TLN2: variants seen among roughly 807,000 people sequenced by gnomAD.
TLN2 encodes the protein talin-2.
In TLN2, 118 loss-of-function variants were observed where a neutral mutation model predicts 294.7. The ratio of observed to expected loss-of-function variants is 0.40; its 90% CI spans 0.34 to 0.47. TLN2 has a LOEUF of 0.47. Ranked by LOEUF, TLN2 falls within the 20% of genes least tolerant of loss-of-function variation. TLN2 has a pLI of 0.84. For synonymous variants in TLN2, 1,431 were observed against 1,304.5 expected (o/e 1.10, Z -2.09); for missense variants, 3,083 against 3,282.2 (o/e 0.94, Z 1.48).
intron 2 of TLN2, among the ~76,000 whole-genome samples, chr15:62,597,223 C>T (rs758918980): frequency 1.6e-4 from 24 of 152,174 alleles, no homozygotes; most frequent in Non-Finnish European, 3.5e-4. Flanking sequence ...GCAGCTGTAC[C>T]TTTAATTTTA....
At chr15:62,442,460 C>T (rs1399160227) in intron 1 of TLN2, among the ~76,000 whole-genome samples, 1 of 139,366 alleles carries the variant, frequency 7.2e-6, no homozygotes, top group African/African-American at 2.7e-5. Context: ...CGCAGTTGCA[C>T]TCCAGCTGGG....
chr15:62,473,013 G>T (rs919664986), intron 1 of TLN2, among the ~76,000 whole-genome samples: 9 of 152,168 alleles, frequency 5.9e-5, no homozygotes, highest in Non-Finnish European at 1.3e-4. Context: ...GTCACAGAAT[G>T]TGCCACAGGA....
rs371300692 is a variant in TLN2, at chr15:62,502,967, C to T, written c.-237-86720C>T. Among the ~76,000 whole-genome samples, 11 of 152,146 alleles carry T rather than the reference C, an allele frequency of 7.2e-5. No individual in the cohort carries two copies. In the East Asian group the frequency reaches 2.1e-3, roughly 29 times the overall value. On this transcript the variant is annotated intron_variant, in intron 1 of 58. Transcript: ENST00000636159. ...GCTTTGTGAAGCCTGCAAGAGTTGA[C>T]TTCACAGTTCCGTTTGCTGCGTTTT...
At chr15:62,457,867 A>G (rs2036570058) in intron 1 of TLN2, among the ~76,000 whole-genome samples, 1 of 152,174 alleles carries the variant, frequency 6.6e-6, no homozygotes, top group Non-Finnish European at 1.5e-5. Context: ...TCCTGCTGTG[A>G]GCACCTAGAA....
chr15:62,707,594 T>A (rs959091282), intron 20 of TLN2, among the ~76,000 whole-genome samples: 5 of 152,222 alleles, frequency 3.3e-5, no homozygotes, highest in Non-Finnish European at 5.9e-5. Flanking sequence ...GGTTCAGAAA[T>A]AATCCACAGA....
intron 2 of TLN2, among the ~76,000 whole-genome samples, chr15:62,606,264 GTA>G (rs2047435467): frequency 1.2e-5 from 1 of 81,484 alleles, no homozygotes; most frequent in African/African-American, 5.2e-5. Flanking sequence ...TTTTTTTTTT[GTA>G]TTTTTAGTAG....
At chr15:62,655,801 G>T in intron 7 of TLN2, 143 bp from the exon 8 acceptor site, 7 of 1,012,058 alleles carry the variant, frequency 6.9e-6, no homozygotes, top group Non-Finnish European at 9.8e-6. Flanking sequence ...AAAAACCATA[G>T]TTCTAAAATA....
chr15:62,697,589 C>T (rs370065509), intron 14 of TLN2, 99 bp from the exon 15 acceptor site: 6 of 1,370,898 alleles, frequency 4.4e-6, no homozygotes, highest in Non-Finnish European at 2.0e-6. Flanking sequence ...TTGGCCTTCA[C>T]AGCATAAAGC....
chr15:62,741,748 C>CGCGCGCGCGCGTGTGTGTGTGTGT, intron 32 of TLN2, among the ~76,000 whole-genome samples: 1,931 of 131,146 alleles, frequency 0.015, 29 homozygotes, highest in African/African-American at 0.018. Flanking sequence ...AAAATTTGCG[C>CGCGCGCGCGCGTGTGTGTGTGTGT]GTGTGTGTGT....
At chr15:62,670,361 C>T (rs72755862) in intron 9 of TLN2, among the ~76,000 whole-genome samples, 3 of 152,206 alleles carry the variant, frequency 2.0e-5, no homozygotes, top group Non-Finnish European at 2.9e-5. Context: ...GCTACTTACT[C>T]ACAAGTCCTG....
intron 1 of TLN2, among the ~76,000 whole-genome samples, chr15:62,545,416 G>T (rs2041937192): frequency 6.6e-6 from 1 of 152,064 alleles, no homozygotes; most frequent in South Asian, 2.1e-4. Flanking sequence ...TGGAGGAAAA[G>T]GTGGGTTATC....
At chr15:62,792,384 GAT>G (rs1333819311) in intron 45 of TLN2, among the ~76,000 whole-genome samples, 1 of 152,198 alleles carries the variant, frequency 6.6e-6, no homozygotes, top group Non-Finnish European at 1.5e-5. Context: ...AACCAGGAAA[GAT>G]ATGTATCAAG....
intron 1 of TLN2, among the ~76,000 whole-genome samples, chr15:62,588,694 A>T (rs574893284): frequency 3.4e-4 from 45 of 130,754 alleles, no homozygotes; most frequent in African/African-American, 1.4e-3. Context: ...ATATATATAT[A>T]TATATATATA....
intron 1 of TLN2, among the ~76,000 whole-genome samples, chr15:62,452,770 CCT>C (rs2036236028): frequency 6.6e-6 from 1 of 152,212 alleles, no homozygotes; most frequent in African/African-American, 2.4e-5. Flanking sequence ...ACTTAACTTG[CCT>C]CTCCTTTGGA....
intron 52 of TLN2, among the ~76,000 whole-genome samples, chr15:62,817,958 C>T (rs1346700764): frequency 2.6e-5 from 4 of 151,670 alleles, no homozygotes; most frequent in Admixed American, 6.6e-5. Context: ...TAGAGGCACC[C>T]GCCACCACAC....
At chr15:62,822,657 A>G (rs979569434) in intron 54 of TLN2, among the ~76,000 whole-genome samples, 3 of 152,212 alleles carry the variant, frequency 2.0e-5, no homozygotes. Context: ...TAGTCCCACA[A>G]AGGCCATTTG....
intron 32 of TLN2, among the ~76,000 whole-genome samples, chr15:62,741,170 T>C (rs201356392): frequency 1.1e-4 from 16 of 152,358 alleles, no homozygotes; most frequent in African/African-American, 3.8e-4. Context: ...CATCAAGTCA[T>C]TCAGCAGACT....
intron 22 of TLN2, among the ~76,000 whole-genome samples, chr15:62,712,744 A>G (rs1356111831): frequency 6.6e-6 from 1 of 151,232 alleles, no homozygotes; most frequent in East Asian, 1.9e-4. Flanking sequence ...GTGTGTGTGC[A>G]TGCGTGCGTG....
At chr15:62,686,510 T>TG in intron 11 of TLN2, 131 bp from the exon 12 acceptor site, 1 of 1,034,660 alleles carries the variant, frequency 9.7e-7, no homozygotes, top group African/African-American at 2.0e-5. Context: ...CTCAAAATCT[T>TG]GGTTTCCCTA....
Sources: gnomAD v4.1 joint callset for allele counts (sites outside exome capture counted in the v4.1 genomes callset) on GRCh38, gnomAD v4.1.1 for gene constraint, MANE v1.5 for transcripts, NCBI Gene and HGNC (gene_info 2026-07-23, HGNC 2026-07-21) for gene names.